The following TNP1 variants were observed in gnomAD, a reference collection of about 807,000 sequenced individuals.
The protein encoded by TNP1 is spermatid nuclear transition protein 1.
TNP1 carries 1 observed loss-of-function variant against 5.8 expected under a neutral mutation model. The observed-to-expected ratio is 0.17, with a 90% CI of 0.06 to 0.82. The LOEUF is 0.82. TNP1 is among the 40% of genes least tolerant of loss of function. The probability of loss-of-function intolerance (pLI) is 0.72; values close to 1 mark genes in which losing one functional copy is unlikely to be tolerated. For missense variants in TNP1, 71 were observed against 75.5 expected, an observed-to-expected ratio of 0.94 and a Z score of 0.22; for synonymous variants, 22 against 25.3, an observed-to-expected ratio of 0.87 and a Z score of 0.40.
In TNP1 at chr2:216,859,796, G is replaced by A. The variant is rs1688882361; in HGVS notation, c.139+100C>T. ...CATTTAGTTATTGGAAATAATCTCAGGCCAAGATTTCAGGGTCCTGTGAGA... is the reference window on the plus strand; with the variant it reads ...CATTTAGTTATTGGAAATAATCTCAAGCCAAGATTTCAGGGTCCTGTGAGA... On this transcript the variant is annotated intron_variant, in intron 1 of 1. Coordinates refer to ENST00000236979, the MANE Select transcript of TNP1 (RefSeq NM_003284.4). 5 of 1,613,720 alleles carry A rather than the reference G, an allele frequency of 3.1e-6. No individual in the cohort carries two copies. In the Admixed American group the frequency reaches 8.3e-5, roughly 27 times the overall value.
At chr2:216,859,810 G>C in intron 1 of TNP1, 86 bp downstream of exon 1, 1 of 1,613,756 alleles carries the variant, frequency 6.2e-7, no homozygotes. Context: ...AAGATTTCAG[G>C]GTCCTGTGAG....
Position 216,859,578 on chromosome 2 carries a change from C to T in TNP1, c.*89G>A. ...AGGCTCCTCTCTGGCTTTGATCTAA[C>T]ATCAGGTCTCCTTGGCAGTTCCCCT... On this transcript the variant is annotated 3_prime_UTR_variant, in exon 2 of 2. Transcript: ENST00000236979. 6.5e-7 allele frequency: 1 copy of T among 1,536,088 alleles called. No homozygotes were observed. Among genetic ancestry groups the T allele is most frequent in the East Asian group, 2.3e-5 (1 of 44,388 alleles).
rs1305477531 is a variant in TNP1 at position 216,859,531 on chromosome 2, T to C, written c.*136A>G. 1.1e-5 allele frequency: 12 copies of C among 1,073,722 alleles called. No individual in the cohort carries two copies. Among genetic ancestry groups the C allele is most frequent in the Non-Finnish European group, 1.5e-5 (11 of 720,302 alleles). The allele number at this position is 1,073,722 out of a possible 1,614,324, so 66.5% of individuals were successfully genotyped here. ...TATACATTCCTCATTTCGTCACAAC[T>C]GGCATTTGATCCACATTCCATAGGC... is the stretch of plus-strand genomic sequence containing the variant. On this transcript the variant is annotated 3_prime_UTR_variant, in exon 2 of 2. Transcript: ENST00000236979.
Position 216,859,592 on chromosome 2 carries a change from G to C in TNP1, c.*75C>G, listed in dbSNP as rs957005652. ...CTTTGATCTAACATCAGGTCTCCTT[G>C]GCAGTTCCCCTTCTGCTGTTCTTGT... On this transcript the variant is annotated 3_prime_UTR_variant, in exon 2 of 2. Coordinates refer to ENST00000236979, the MANE Select transcript of TNP1 (RefSeq NM_003284.4). 15 of 1,579,318 alleles carry C rather than the reference G, an allele frequency of 9.5e-6. No homozygotes were observed. In the Admixed American group the frequency reaches 2.5e-4, roughly 26 times the overall value.
In TNP1 at chr2:216,859,614, T is replaced by C; in HGVS notation, c.*53A>G. On this transcript the variant is annotated 3_prime_UTR_variant, in exon 2 of 2. Coordinates refer to ENST00000236979, the MANE Select transcript of TNP1 (RefSeq NM_003284.4). ...CTTGGCAGTTCCCCTTCTGCTGTTC[T>C]TGTTGCTGCTTGGTGCTGTGTGAAG... The C allele has an allele frequency of 6.2e-7, 1 of 1,611,746 alleles. No individual in the cohort carries two copies. The highest frequency in any genetic ancestry group is 8.5e-7 in the Non-Finnish European group (1 of 1,177,898).
chr2:216,860,012 T>A lies in TNP1; in HGVS notation c.23A>T (p.Lys8Met). The change falls in exon 1 of 2, where the codon AAG becomes ATG. Residue 8 changes from lysine (K) to methionine (M), a missense_variant. By Grantham distance (95) the Lys-to-Met change is moderately conservative. Coordinates refer to ENST00000236979, the MANE Select transcript of TNP1 (RefSeq NM_003284.4). MSTSRKL[K>M]SHGMRRSKSR... ...CTTGCTCCTCCTCATGCCATGACTC[T>A]TTAATTTGCGGCTGGTCGACATGGT... is the stretch of plus-strand genomic sequence containing the variant. 1.9e-6 allele frequency: 3 copies of A among 1,614,190 alleles called. No homozygotes were observed. Among genetic ancestry groups the A allele is most frequent in the Non-Finnish European group, 2.5e-6 (3 of 1,180,038 alleles).
At position 216,859,936 on chromosome 2, in the gene TNP1, G is replaced by A; in HGVS notation, c.99C>T (p.Tyr33=). ...GVKRGGSKRK[Y]RKGNLKSRKR... is the part of the protein sequence containing the mutation. ...TCCTACTTTTCAGGTTGCCCTTACG[G>A]TATTTTCTTTTGCTGCCACCTCTCT... The change falls in exon 1 of 2, where the codon TAC becomes TAT. Residue 33 remains tyrosine (Y), a synonymous_variant. Coordinates refer to ENST00000236979, the MANE Select transcript of TNP1 (RefSeq NM_003284.4). 1 of 1,614,138 alleles carries A rather than the reference G, an allele frequency of 6.2e-7. No homozygotes were observed. The highest frequency in any genetic ancestry group is 1.1e-5 in the South Asian group (1 of 91,072).
intron 1 of TNP1, 62 bp from the exon 2 acceptor site, chr2:216,859,757 G>A (rs2105948005): frequency 6.2e-7 from 1 of 1,613,816 alleles, no homozygotes; most frequent in Non-Finnish European, 8.5e-7. Context: ...CAAGACTCTT[G>A]TTGCTCAAAT....
chr2:216,859,558 C>A lies in TNP1; in HGVS notation c.*109G>T. Reference sequence around the variant, plus strand: ...GCATTTGATCCACATTCCATAGGCTCCTCTCTGGCTTTGATCTAACATCAG... The same window carrying A: ...GCATTTGATCCACATTCCATAGGCTACTCTCTGGCTTTGATCTAACATCAG... On this transcript the variant is annotated 3_prime_UTR_variant, in exon 2 of 2. Transcript: ENST00000236979. 7.2e-7 allele frequency: 1 copy of A among 1,387,708 alleles called. No individual in the cohort carries two copies. The highest frequency in any genetic ancestry group is 1.8e-4 in the Middle Eastern group (1 of 5,494). 86.0% of individuals were successfully genotyped at this position (1,387,708 alleles called of 1,614,324 possible). A position where few individuals can be genotyped will look rare whatever the true frequency, so the allele number is the denominator to read the frequency against.
rs770867212 is a variant in TNP1, at chr2:216,859,937, T to C, written c.98A>G (p.Tyr33Cys). The change falls in exon 1 of 2, where the codon TAC becomes TGC. Residue 33 changes from tyrosine to cysteine, a missense_variant. Transcript: ENST00000236979. ...GVKRGGSKRK[Y>C]RKGNLKSRKR... is the part of the protein sequence containing the mutation. ...CCTACTTTTCAGGTTGCCCTTACGGTATTTTCTTTTGCTGCCACCTCTCTT... is the reference window on the plus strand; with the variant it reads ...CCTACTTTTCAGGTTGCCCTTACGGCATTTTCTTTTGCTGCCACCTCTCTT... The C allele has an allele frequency of 3.7e-6, 6 of 1,614,184 alleles. No homozygotes were observed. Among genetic ancestry groups the C allele is most frequent in the Non-Finnish European group, 5.1e-6 (6 of 1,180,038 alleles).
At position 216,859,504 on chromosome 2, in the gene TNP1, CAT is replaced by C. The variant is rs1688876688; in HGVS notation, c.*161_*162del. 9 of 834,940 alleles carry C rather than the reference CAT, an allele frequency of 1.1e-5. No individual in the cohort carries two copies. The South Asian group carries it at 1.2e-4, about 11-fold the overall frequency. The allele number at this position is 834,940 out of a possible 1,614,324, so 51.7% of individuals were successfully genotyped here. On this transcript the variant is annotated 3_prime_UTR_variant, in exon 2 of 2. Transcript: ENST00000236979. Reference sequence around the variant, plus strand: ...TGAGATGTTGGGGAAAAACAGCCAACATATACATTCCTCATTTCGTCACAACT... The same window carrying C: ...TGAGATGTTGGGGAAAAACAGCCAACATACATTCCTCATTTCGTCACAACT...
In TNP1 at chr2:216,859,571, G is replaced by A. The variant is rs1454114765; in HGVS notation, c.*96C>T. 1 of 1,497,090 alleles carries A rather than the reference G, an allele frequency of 6.7e-7. No homozygotes were observed. Among genetic ancestry groups the A allele is most frequent in the Non-Finnish European group, 9.3e-7 (1 of 1,078,604 alleles). 92.7% of individuals were successfully genotyped at this position (1,497,090 alleles called of 1,614,324 possible). A position where few individuals can be genotyped will look rare whatever the true frequency, so the allele number is the denominator to read the frequency against. On this transcript the variant is annotated 3_prime_UTR_variant, in exon 2 of 2. Coordinates refer to ENST00000236979, the MANE Select transcript of TNP1 (RefSeq NM_003284.4). ...ATTCCATAGGCTCCTCTCTGGCTTT[G>A]ATCTAACATCAGGTCTCCTTGGCAG...
At position 216,859,508 on chromosome 2, in the gene TNP1, T is replaced by C; in HGVS notation, c.*159A>G. 1.2e-6 allele frequency: 1 copy of C among 865,096 alleles called. No individual in the cohort carries two copies. Among genetic ancestry groups the C allele is most frequent in the Non-Finnish European group, 1.8e-6 (1 of 542,552 alleles). 53.6% of individuals were successfully genotyped at this position (865,096 alleles called of 1,614,324 possible). A position where few individuals can be genotyped will look rare whatever the true frequency, so the allele number is the denominator to read the frequency against. On this transcript the variant is annotated 3_prime_UTR_variant, in exon 2 of 2. Coordinates refer to ENST00000236979, the MANE Select transcript of TNP1 (RefSeq NM_003284.4). Reference sequence around the variant, plus strand: ...ATGTTGGGGAAAAACAGCCAACATATACATTCCTCATTTCGTCACAACTGG... The same window carrying C: ...ATGTTGGGGAAAAACAGCCAACATACACATTCCTCATTTCGTCACAACTGG...
intron 1 of TNP1, 33 bp downstream of exon 1, chr2:216,859,861 TAA>T (rs756419428): frequency 2.7e-5 from 44 of 1,614,090 alleles, no homozygotes; most frequent in Non-Finnish European, 3.0e-5. Flanking sequence ...AATGTGTGCC[TAA>T]GTTTGGCAAT....
chr2:216,859,650 C>A lies in TNP1; in HGVS notation c.*17G>T. 1 of 1,614,192 alleles carries A rather than the reference C, an allele frequency of 6.2e-7. No individual in the cohort carries two copies. The highest frequency in any genetic ancestry group is 8.5e-7 in the Non-Finnish European group (1 of 1,180,028). On this transcript the variant is annotated 3_prime_UTR_variant, in exon 2 of 2. Transcript: ENST00000236979. Reference sequence around the variant, plus strand: ...TGGTGCTGTGTGAAGCGCACCAGGGCAGAGCCCGCTGGGGGCTCACAAGTG... The same window carrying A: ...TGGTGCTGTGTGAAGCGCACCAGGGAAGAGCCCGCTGGGGGCTCACAAGTG...
Position 216,860,008 on chromosome 2 carries a change from A to G in TNP1, c.27T>C (p.Ser9=), listed in dbSNP as rs571302982. The change falls in exon 1 of 2, where the codon AGT becomes AGC. Residue 9 remains serine, a synonymous_variant. Coordinates refer to ENST00000236979, the MANE Select transcript of TNP1 (RefSeq NM_003284.4). ...GGCTCTTGCTCCTCCTCATGCCATG[A>G]CTCTTTAATTTGCGGCTGGTCGACA... MSTSRKLK[S]HGMRRSKSRS... 1 of 1,613,696 alleles carries G rather than the reference A, an allele frequency of 6.2e-7. No homozygotes were observed. Among genetic ancestry groups the G allele is most frequent in the South Asian group, 1.1e-5 (1 of 91,038 alleles).
chr2:216,859,580 T>C lies in TNP1; in HGVS notation c.*87A>G. On this transcript the variant is annotated 3_prime_UTR_variant, in exon 2 of 2. Coordinates refer to ENST00000236979, the MANE Select transcript of TNP1 (RefSeq NM_003284.4). ...GCTCCTCTCTGGCTTTGATCTAACA[T>C]CAGGTCTCCTTGGCAGTTCCCCTTC... The C allele has an allele frequency of 6.5e-7, 1 of 1,541,406 alleles. No individual in the cohort carries two copies. The highest frequency in any genetic ancestry group is 9.0e-7 in the Non-Finnish European group (1 of 1,116,162).
At position 216,859,658 on chromosome 2, in the gene TNP1, G is replaced by T. The variant is rs370918270; in HGVS notation, c.*9C>A. On this transcript the variant is annotated 3_prime_UTR_variant, in exon 2 of 2. Transcript: ENST00000236979. ...TGTGAAGCGCACCAGGGCAGAGCCC[G>T]CTGGGGGCTCACAAGTGGGAGCGGT... is the stretch of plus-strand genomic sequence containing the variant. The T allele has an allele frequency of 1.1e-5, 17 of 1,614,044 alleles. No individual in the cohort carries two copies. Among genetic ancestry groups the T allele is most frequent in the Admixed American group, 3.3e-5 (2 of 60,010 alleles).
intron 1 of TNP1, 28 bp downstream of exon 1, chr2:216,859,868 G>C (rs1348535093): frequency 1.2e-6 from 2 of 1,614,152 alleles, no homozygotes; most frequent in South Asian, 2.2e-5. Flanking sequence ...GCCTAAGTTT[G>C]GCAATCTCCT....
Sources: allele counts gnomAD v4.1 joint callset, GRCh38; gene constraint gnomAD v4.1.1; transcripts MANE v1.5; gene names NCBI Gene and HGNC (gene_info 2026-07-23, HGNC 2026-07-21).